Variants in DOCK5 observed in about 807,000 individuals in gnomAD.
The protein encoded by DOCK5 is dedicator of cytokinesis protein 5.
DOCK5 carries 142 observed loss-of-function variants against 251.8 expected under a neutral mutation model. The observed-to-expected ratio is 0.56, with a 90% CI of 0.49 to 0.65. DOCK5 has a LOEUF of 0.65. Ranked by LOEUF, DOCK5 falls within the 30% of genes least tolerant of loss-of-function variation. The pLI is 0.00. For missense variants in DOCK5, 2,111 were observed against 2,312.3 expected (o/e 0.91, Z 1.79); for synonymous variants, 842 against 835.5 (o/e 1.01, Z -0.13).
intron 1 of DOCK5, among the ~76,000 whole-genome samples, chr8:25,190,000 C>G (rs1445686934): frequency 1.3e-5 from 2 of 152,180 alleles, no homozygotes; most frequent in Non-Finnish European, 2.9e-5. Context: ...GATTCTCCTG[C>G]CTCAGCCTCC....
chr8:25,237,721 G>A lies in DOCK5; in HGVS notation c.44-5953G>A, dbSNP rs1410577002. ...AGGCAACGTATGTACAGCAACTCCC[G>A]GTTCTTGTTTAATTTCCTCAGTCAA... On this transcript the variant is annotated intron_variant, in intron 1 of 51. Coordinates refer to ENST00000276440, the MANE Select transcript of DOCK5 (RefSeq NM_024940.8). 2.6e-5 allele frequency among the ~76,000 whole-genome samples: 4 copies of A among 152,158 alleles called. No individual in the cohort carries two copies. The East Asian group carries it at 5.8e-4, about 22-fold the overall frequency.
chr8:25,300,746 A>G, intron 9 of DOCK5, 89 bp downstream of exon 9: 4 of 1,354,204 alleles, frequency 3.0e-6, no homozygotes, highest in Non-Finnish European at 3.0e-6. Context: ...ACAAAATGAA[A>G]AGATGAAAGG....
At chr8:25,347,906 T>C (rs138232047) in intron 26 of DOCK5, among the ~76,000 whole-genome samples, 1,671 of 152,298 alleles carry the variant, frequency 0.011, 41 homozygotes, top group African/African-American at 0.038. Context: ...CCAGAAAGAC[T>C]CTTTGGAAAT....
chr8:25,366,418 C>T (rs550772976), intron 30 of DOCK5, among the ~76,000 whole-genome samples: 6 of 152,210 alleles, frequency 3.9e-5, no homozygotes, highest in African/African-American at 4.8e-5. Context: ...ACCTGGGAGG[C>T]GGAGGTTGCA....
chr8:25,279,054 C>T (rs1804118302), intron 5 of DOCK5, among the ~76,000 whole-genome samples: 1 of 152,152 alleles, frequency 6.6e-6, no homozygotes. Context: ...ATGCTCTTAG[C>T]CTCTTCATGT....
At chr8:25,384,413 T>C (rs1389935894) in intron 40 of DOCK5, among the ~76,000 whole-genome samples, 1 of 151,088 alleles carries the variant, frequency 6.6e-6, no homozygotes, top group African/African-American at 2.4e-5. Flanking sequence ...GTATGTAGAT[T>C]ATGTCTTAAT....
At chr8:25,300,706 A>G (rs780792150) in intron 9 of DOCK5, 49 bp downstream of exon 9, 2 of 1,510,164 alleles carry the variant, frequency 1.3e-6, no homozygotes, top group South Asian at 2.4e-5. Context: ...TGATATGAGC[A>G]TATTCACATA....
intron 2 of DOCK5, among the ~76,000 whole-genome samples, chr8:25,256,443 A>G (rs1207291483): frequency 6.6e-6 from 1 of 152,074 alleles, no homozygotes; most frequent in Non-Finnish European, 1.5e-5. Flanking sequence ...GTTCAAGACC[A>G]GCCTGGCCAA....
intron 13 of DOCK5, among the ~76,000 whole-genome samples, chr8:25,311,618 C>A (rs1330469609): frequency 2.7e-5 from 4 of 150,854 alleles, no homozygotes; most frequent in Non-Finnish European, 1.5e-5. Context: ...TTACCTATTG[C>A]ACAAAAATTC....
chr8:25,398,515 A>G (rs760769963), intron 45 of DOCK5, among the ~76,000 whole-genome samples: 1 of 152,172 alleles, frequency 6.6e-6, no homozygotes, highest in Non-Finnish European at 1.5e-5. Flanking sequence ...TCACTGTTGC[A>G]CGAGCAAGAA....
intron 3 of DOCK5, among the ~76,000 whole-genome samples, chr8:25,273,371 G>A (rs1199227049): frequency 6.6e-6 from 1 of 152,212 alleles, no homozygotes; most frequent in African/African-American, 2.4e-5. Flanking sequence ...GCTGAGGTGA[G>A]CTGATCACTT....
At chr8:25,186,371 T>G (rs1391044630) in intron 1 of DOCK5, among the ~76,000 whole-genome samples, 2 of 150,390 alleles carry the variant, frequency 1.3e-5, no homozygotes, top group South Asian at 2.1e-4. Context: ...TTTTTTGGTT[T>G]GTTTGTTTTT....
At chr8:25,300,486 C>A in intron 8 of DOCK5, 90 bp from the exon 9 acceptor site, 1 of 1,186,390 alleles carries the variant, frequency 8.4e-7, no homozygotes, top group Non-Finnish European at 1.2e-6. Flanking sequence ...CTGGCCTTTC[C>A]TCCTTCCCTT....
intron 10 of DOCK5, among the ~76,000 whole-genome samples, chr8:25,303,477 C>A (rs1002555444): frequency 1.3e-5 from 2 of 152,156 alleles, no homozygotes; most frequent in East Asian, 3.8e-4. Context: ...TTACATCAAA[C>A]CCCAGAACCT....
rs1311005105 is a variant in DOCK5, at chr8:25,384,451, A to ATTT, written c.4131+1674_4131+1676dup. 5.6e-4 allele frequency among the ~76,000 whole-genome samples: 15 copies of ATTT among 26,558 alleles called. 1 individual carries two copies. Among genetic ancestry groups the ATTT allele is most frequent in the South Asian group, 3.2e-3 (3 of 940 alleles). The allele number at this position is 26,558 out of a possible 152,430, so 17.4% of individuals were successfully genotyped here. Reference sequence around the variant, plus strand: ...TATTATTTTATTTATTTATTTATTTATTTATTTATTTATTTTTTTTTTTTT... The same window carrying ATTT: ...TATTATTTTATTTATTTATTTATTTATTTTTTATTTATTTATTTTTTTTTTTTT... On this transcript the variant is annotated intron_variant, in intron 40 of 51. Coordinates refer to ENST00000276440, the MANE Select transcript of DOCK5 (RefSeq NM_024940.8).
chr8:25,189,823 G>A (rs1027008692), intron 1 of DOCK5, among the ~76,000 whole-genome samples: 1 of 152,352 alleles, frequency 6.6e-6, no homozygotes, highest in African/African-American at 2.4e-5. Flanking sequence ...ACTTAACGGA[G>A]TAGAGCTTTG....
At chr8:25,248,610 A>G (rs1309709785) in intron 2 of DOCK5, among the ~76,000 whole-genome samples, 1 of 151,506 alleles carries the variant, frequency 6.6e-6, no homozygotes, top group Non-Finnish European at 1.5e-5. Context: ...GACATGAAAC[A>G]TTTTTTCTGC....
intron 27 of DOCK5, among the ~76,000 whole-genome samples, chr8:25,352,713 G>A (rs1414115427): frequency 6.6e-6 from 1 of 152,040 alleles, no homozygotes; most frequent in Non-Finnish European, 1.5e-5. Flanking sequence ...CACTGAAGAG[G>A]TACCCATAAA....
rs751663484 is a variant in DOCK5, at chr8:25,410,977, GCGCGCGCACGCA to G, written c.5509-213_5509-202del. ...TGTGTGTGTGTGTGTGTGTGTGCGC[GCGCGCGCACGCA>G]CGCACGCACGCACGCGTGTGTCTGA... On this transcript the variant is annotated intron_variant, in intron 51 of 51. Coordinates refer to ENST00000276440, the MANE Select transcript of DOCK5 (RefSeq NM_024940.8). 3.9e-3 allele frequency among the ~76,000 whole-genome samples: 340 copies of G among 88,240 alleles called. 4 individuals are homozygous for G. The highest frequency in any genetic ancestry group is 0.012 in the African/African-American group (309 of 24,790). 57.9% of individuals were successfully genotyped at this position (88,240 alleles called of 152,430 possible). A position where few individuals can be genotyped will look rare whatever the true frequency, so the allele number is the denominator to read the frequency against.
Sources: allele counts gnomAD v4.1 joint callset (sites outside exome capture counted in the v4.1 genomes callset), GRCh38; gene constraint gnomAD v4.1.1; transcripts MANE v1.5; gene names NCBI Gene and HGNC (gene_info 2026-07-23, HGNC 2026-07-21).